The following LDB2 variants were observed in gnomAD, a reference collection of about 807,000 sequenced individuals.
LDB2 encodes LIM domain-binding protein 2.
Under a neutral mutation model 44.3 loss-of-function variants are expected in LDB2, and 12 were observed. The observed-to-expected ratio is 0.27, with a 90% CI of 0.17 to 0.44. The LOEUF is 0.44. Ranked by LOEUF, LDB2 falls within the 20% of genes least tolerant of loss-of-function variation. LDB2 has a pLI of 1.00. For synonymous variants in LDB2, 164 were observed against 174.8 expected (o/e 0.94, Z 0.49); for missense variants, 344 against 473.5 (o/e 0.73, Z 2.54).
intron 5 of LDB2, among the ~76,000 whole-genome samples, chr4:16,536,809 A>C (rs545765382): frequency 7.2e-5 from 11 of 152,322 alleles, no homozygotes; most frequent in African/African-American, 2.6e-4. Flanking sequence ...TTAGGAGTCA[A>C]ACAAGTGGGT....
At chr4:16,851,161 A>G (rs771598705) in intron 1 of LDB2, among the ~76,000 whole-genome samples, 21 of 152,012 alleles carry the variant, frequency 1.4e-4, no homozygotes, top group Non-Finnish European at 2.2e-4. Context: ...GCCAATTTCT[A>G]TGGTGTAAAT....
At chr4:16,803,232 T>C (rs1156314547) in intron 1 of LDB2, among the ~76,000 whole-genome samples, 1 of 152,186 alleles carries the variant, frequency 6.6e-6, no homozygotes, top group Non-Finnish European at 1.5e-5. Context: ...TACCATTTTT[T>C]TTCAGTTTAA....
intron 4 of LDB2, among the ~76,000 whole-genome samples, chr4:16,588,037 T>C (rs1189781211): frequency 6.6e-6 from 1 of 151,932 alleles, no homozygotes; most frequent in Non-Finnish European, 1.5e-5. Flanking sequence ...TCATGTATTA[T>C]AGAGGAGAGA....
chr4:16,725,407 C>T (rs1370450104), intron 2 of LDB2, among the ~76,000 whole-genome samples: 2 of 152,098 alleles, frequency 1.3e-5, no homozygotes, highest in Non-Finnish European at 1.5e-5. Flanking sequence ...GAAACCAACC[C>T]CTTATCTGCA....
intron 5 of LDB2, among the ~76,000 whole-genome samples, chr4:16,557,456 G>C (rs1740131371): frequency 6.6e-6 from 1 of 152,180 alleles, no homozygotes; most frequent in African/African-American, 2.4e-5. Flanking sequence ...CTCGCTGATT[G>C]CTAGCACAGC....
rs747191408 is a variant in LDB2, at chr4:16,735,263, T to A, written c.235+23895A>T. Among the ~76,000 whole-genome samples the A allele has an allele frequency of 6.6e-5, 10 of 152,068 alleles. 1 individual carries two copies. Among genetic ancestry groups the A allele is most frequent in the Admixed American group, 3.3e-4 (5 of 15,266 alleles). ...GGAGACAGGAAGGGAGATGGAAGCATCCCAGAGAATCTGTAAGAAGAGAGG... is the reference window on the plus strand; with the variant it reads ...GGAGACAGGAAGGGAGATGGAAGCAACCCAGAGAATCTGTAAGAAGAGAGG... On this transcript the variant is annotated intron_variant, in intron 2 of 7. Coordinates refer to ENST00000304523, the MANE Select transcript of LDB2 (RefSeq NM_001290.5).
intron 4 of LDB2, among the ~76,000 whole-genome samples, chr4:16,586,616 C>T (rs1240057522): frequency 1.3e-5 from 2 of 151,862 alleles, no homozygotes; most frequent in Non-Finnish European, 1.5e-5. Context: ...ATAGATATCC[C>T]CAACAATTTT....
chr4:16,783,432 A>C (rs1218423238), intron 1 of LDB2, among the ~76,000 whole-genome samples: 1 of 152,252 alleles, frequency 6.6e-6, no homozygotes, highest in East Asian at 1.9e-4. Flanking sequence ...TCTCCTCATT[A>C]AATCACAGAA....
intron 1 of LDB2, among the ~76,000 whole-genome samples, chr4:16,784,187 T>C (rs1773903241): frequency 6.6e-6 from 1 of 152,002 alleles, no homozygotes; most frequent in Non-Finnish European, 1.5e-5. Context: ...GTGATCCACA[T>C]AGGAAACAAA....
intron 2 of LDB2, among the ~76,000 whole-genome samples, chr4:16,705,320 G>A (rs1754363939): frequency 6.6e-6 from 1 of 152,040 alleles, no homozygotes; most frequent in East Asian, 1.9e-4. Context: ...AAAATAGGCA[G>A]GGTCTATTTT....
intron 5 of LDB2, among the ~76,000 whole-genome samples, chr4:16,520,700 T>TG (rs1265633203): frequency 2.0e-5 from 3 of 151,924 alleles, no homozygotes; most frequent in Non-Finnish European, 4.4e-5. Context: ...TCTTCCAGAG[T>TG]GATCTTTCCT....
At chr4:16,715,773 A>T (rs1756947413) in intron 2 of LDB2, among the ~76,000 whole-genome samples, 1 of 152,046 alleles carries the variant, frequency 6.6e-6, no homozygotes, top group Non-Finnish European at 1.5e-5. Context: ...TTTTTGGTGT[A>T]TGGGGAAGTC....
At chr4:16,616,486 T>G (rs115545764) in intron 2 of LDB2, among the ~76,000 whole-genome samples, 518 of 151,936 alleles carry the variant, frequency 3.4e-3, no homozygotes, top group African/African-American at 0.011. Context: ...AAAATCAACT[T>G]GATGTCCAGG....
intron 1 of LDB2, among the ~76,000 whole-genome samples, chr4:16,871,731 C>A (rs1716669286): frequency 6.6e-6 from 1 of 151,968 alleles, no homozygotes; most frequent in South Asian, 2.1e-4. Flanking sequence ...GCAATTTCCC[C>A]TGCCTCAGCC....
intron 2 of LDB2, among the ~76,000 whole-genome samples, chr4:16,678,677 C>T (rs1746964558): frequency 6.6e-6 from 1 of 152,172 alleles, no homozygotes; most frequent in Non-Finnish European, 1.5e-5. Context: ...TGGGAGAGAA[C>T]TGTCTGCAGA....
intron 1 of LDB2, among the ~76,000 whole-genome samples, chr4:16,877,500 T>A (rs1272765403): frequency 6.6e-6 from 1 of 152,232 alleles, no homozygotes; most frequent in Non-Finnish European, 1.5e-5. Context: ...TTTGTTAAAC[T>A]GATGTGTGTT....
chr4:16,535,979 A>G (rs1255450863), intron 5 of LDB2, among the ~76,000 whole-genome samples: 1 of 152,168 alleles, frequency 6.6e-6, no homozygotes, highest in East Asian at 1.9e-4. Flanking sequence ...GATCCTTGCA[A>G]ATAAGCCTCA....
At chr4:16,883,906 TA>T (rs1190593329) in intron 1 of LDB2, among the ~76,000 whole-genome samples, 2,446 of 148,012 alleles carry the variant, frequency 0.017, 60 homozygotes, top group African/African-American at 0.055. Flanking sequence ...TTTGCATCTT[TA>T]AAAAAAAAAA....
chr4:16,801,660 A>T (rs1017882570), intron 1 of LDB2, among the ~76,000 whole-genome samples: 4 of 152,220 alleles, frequency 2.6e-5, no homozygotes, highest in African/African-American at 9.7e-5. Context: ...GTGCAACATA[A>T]TAATGTTCAT....
Sources: allele counts gnomAD v4.1 joint callset (sites outside exome capture counted in the v4.1 genomes callset), GRCh38; gene constraint gnomAD v4.1.1; transcripts MANE v1.5; gene names NCBI Gene and HGNC (gene_info 2026-07-23, HGNC 2026-07-21).